The following PLCB4 variants were observed in gnomAD, a reference collection of about 807,000 sequenced individuals.
PLCB4 encodes 1-phosphatidylinositol 4,5-bisphosphate phosphodiesterase beta-4.
In PLCB4, 77 loss-of-function variants were observed where a neutral mutation model predicts 178.8. That is an observed-to-expected ratio of 0.43 (90% CI 0.36 to 0.52). The LOEUF (loss-of-function observed/expected upper bound fraction) is 0.52, where lower values mean the gene tolerates loss of function less well. PLCB4 is among the 20% of genes least tolerant of loss of function. PLCB4 has a pLI of 0.00. For missense variants in PLCB4, 1,024 were observed against 1,453.4 expected (o/e 0.70, Z 4.80); for synonymous variants, 496 against 490.8 (o/e 1.01, Z -0.14).
chr20:9,118,805 A>G (rs998087187), intron 2 of PLCB4, among the ~76,000 whole-genome samples: 7 of 152,220 alleles, frequency 4.6e-5, no homozygotes, highest in African/African-American at 1.7e-4. Context: ...GATCCCATAA[A>G]AAGTGATTTA....
intron 32 of PLCB4, among the ~76,000 whole-genome samples, chr20:9,451,148 G>T (rs60055423): frequency 1.3e-5 from 2 of 152,304 alleles, no homozygotes; most frequent in African/African-American, 4.8e-5. Flanking sequence ...TACTGGTAAA[G>T]AGAAAAGACC....
intron 3 of PLCB4, among the ~76,000 whole-genome samples, chr20:9,256,618 G>A (rs1207600633): frequency 1.3e-5 from 2 of 152,178 alleles, no homozygotes; most frequent in Non-Finnish European, 2.9e-5. Flanking sequence ...TGAGGCATCT[G>A]TTCTTGTTTG....
At chr20:9,456,927 T>C (rs2043093880) in intron 33 of PLCB4, among the ~76,000 whole-genome samples, 1 of 152,166 alleles carries the variant, frequency 6.6e-6, no homozygotes, top group East Asian at 1.9e-4. Flanking sequence ...TAGCATATAT[T>C]TCCTACTCAC....
chr20:9,394,822 A>G (rs966151913), intron 18 of PLCB4, among the ~76,000 whole-genome samples: 51 of 152,304 alleles, frequency 3.3e-4, no homozygotes, highest in African/African-American at 1.1e-3. Context: ...TTCACCAGTC[A>G]TATATGAGAG....
At chr20:9,347,733 T>G in intron 7 of PLCB4, among the ~76,000 whole-genome samples, 1 of 152,116 alleles carries the variant, frequency 6.6e-6, no homozygotes, top group Non-Finnish European at 1.5e-5. Flanking sequence ...ATCCCAGCAG[T>G]TTGGGAGGCT....
At chr20:9,288,057 G>T (rs2094549979) in intron 3 of PLCB4, among the ~76,000 whole-genome samples, 1 of 152,060 alleles carries the variant, frequency 6.6e-6, no homozygotes, top group African/African-American at 2.4e-5. Context: ...AGGTTTCTTG[G>T]CCTATGTTCC....
intron 2 of PLCB4, among the ~76,000 whole-genome samples, chr20:9,099,832 G>A (rs2091071658): frequency 6.6e-6 from 1 of 152,152 alleles, no homozygotes; most frequent in East Asian, 1.9e-4. Context: ...TTTCATTATG[G>A]CCCATATCCC....
At chr20:9,228,822 AT>A (rs1453467683) in intron 3 of PLCB4, among the ~76,000 whole-genome samples, 3 of 152,214 alleles carry the variant, frequency 2.0e-5, no homozygotes, top group Non-Finnish European at 4.4e-5. Flanking sequence ...GCCCAGGGCC[AT>A]CTTCATGGGT....
At chr20:9,258,662 C>T (rs2094263281) in intron 3 of PLCB4, among the ~76,000 whole-genome samples, 1 of 146,928 alleles carries the variant, frequency 6.8e-6, no homozygotes, top group Non-Finnish European at 1.5e-5. Context: ...TTGCAGTGAG[C>T]CAAGATCCCG....
rs1173883781 is a variant in PLCB4, at chr20:9,384,910, CACGTGA to C, written c.1064+502_1064+507del. ...AGTGGAGAGAAGGTCAGCAGATAAA[CACGTGA>C]ACAAAGGTCTCTGGTTTTCCTAGGC... On this transcript the variant is annotated intron_variant, in intron 14 of 39. Transcript: ENST00000378473. Among the ~76,000 whole-genome samples, 4 of 150,874 alleles carry C rather than the reference CACGTGA, an allele frequency of 2.7e-5. No individual in the cohort carries two copies. In the Admixed American group the frequency reaches 2.7e-4, roughly 10 times the overall value.
intron 3 of PLCB4, among the ~76,000 whole-genome samples, chr20:9,275,168 G>T (rs1390397918): frequency 1.3e-5 from 2 of 151,788 alleles, no homozygotes; most frequent in Non-Finnish European, 2.9e-5. Flanking sequence ...CCACATGGAT[G>T]GGGAGGTCTC....
chr20:9,134,777 A>C (rs2092348212), intron 2 of PLCB4, among the ~76,000 whole-genome samples: 1 of 152,178 alleles, frequency 6.6e-6, no homozygotes, highest in African/African-American at 2.4e-5. Context: ...GTTAGGAAGA[A>C]AAGTGAAAGA....
chr20:9,269,391 C>T (rs989895655), intron 3 of PLCB4, among the ~76,000 whole-genome samples: 1 of 152,258 alleles, frequency 6.6e-6, no homozygotes, highest in Admixed American at 6.5e-5. Context: ...ATTTGAAGTA[C>T]ATTGGAAGTG....
chr20:9,237,270 A>G (rs759045399), intron 3 of PLCB4, among the ~76,000 whole-genome samples: 11 of 152,172 alleles, frequency 7.2e-5, no homozygotes, highest in Non-Finnish European at 1.5e-4. Context: ...TTAAACGACT[A>G]TATGCTTGTC....
At chr20:9,302,763 T>C (rs968369919) in intron 3 of PLCB4, among the ~76,000 whole-genome samples, 5 of 152,154 alleles carry the variant, frequency 3.3e-5, no homozygotes, top group Non-Finnish European at 5.9e-5. Flanking sequence ...AGAATAGTAG[T>C]GAGGTCTGAG....
At chr20:9,330,608 CT>C (rs1423559638) in intron 4 of PLCB4, among the ~76,000 whole-genome samples, 29 of 152,306 alleles carry the variant, frequency 1.9e-4, no homozygotes, top group Non-Finnish European at 3.7e-4. Context: ...TCCTCTGAAC[CT>C]TTTTCCCCCC....
intron 2 of PLCB4, among the ~76,000 whole-genome samples, chr20:9,102,102 C>T (rs1236657040): frequency 1.3e-5 from 2 of 152,096 alleles, no homozygotes; most frequent in Non-Finnish European, 2.9e-5. Context: ...GCCTCAGCCT[C>T]CCAAATTGCT....
chr20:9,452,047 T>TA (rs2042800550), intron 32 of PLCB4, among the ~76,000 whole-genome samples: 1 of 152,228 alleles, frequency 6.6e-6, no homozygotes, highest in African/African-American at 2.4e-5. Context: ...GTTCCCACTG[T>TA]AAGTTCCTAT....
intron 4 of PLCB4, among the ~76,000 whole-genome samples, chr20:9,332,062 T>A (rs566083594): frequency 1.6e-4 from 24 of 152,248 alleles, no homozygotes; most frequent in Middle Eastern, 3.2e-3. Context: ...TTAACTAATA[T>A]GAGAATTAAA....
Sources: gnomAD v4.1 joint callset for allele counts (sites outside exome capture counted in the v4.1 genomes callset) on GRCh38, gnomAD v4.1.1 for gene constraint, MANE v1.5 for transcripts, NCBI Gene and HGNC (gene_info 2026-07-23, HGNC 2026-07-21) for gene names.